GTF2H5: variants seen among roughly 807,000 people sequenced by gnomAD.
The protein encoded by GTF2H5 is general transcription factor IIH subunit 5, also known as TFB5 ortholog.
Under a neutral mutation model 7.1 loss-of-function variants are expected in GTF2H5, and 5 were observed. The observed-to-expected ratio is 0.71, with a 90% CI of 0.37 to 1.49. The LOEUF (loss-of-function observed/expected upper bound fraction) is 1.49. GTF2H5 is among the 40% of genes most tolerant of loss of function. The pLI, the probability that GTF2H5 is intolerant of heterozygous loss-of-function variation, is 0.03. For synonymous variants in GTF2H5, 30 were observed against 31.7 expected, an observed-to-expected ratio of 0.95 and a Z score of 0.18; for missense variants, 80 against 83.0, an observed-to-expected ratio of 0.96 and a Z score of 0.14.
intron 2 of GTF2H5, among the ~76,000 whole-genome samples, chr6:158,177,325 C>G (rs1044870597): frequency 6.6e-6 from 1 of 152,194 alleles, no homozygotes; most frequent in Non-Finnish European, 1.5e-5. Flanking sequence ...ATCACAGGCT[C>G]TTTGGCTCCC....
rs1481966282 is a variant in GTF2H5, at chr6:158,179,760, A to G, written c.35+9222A>G. Among the ~76,000 whole-genome samples the G allele has an allele frequency of 4.6e-5, 7 of 152,162 alleles. No individual in the cohort carries two copies. The South Asian group carries it at 8.3e-4, about 18-fold the overall frequency. ...GGGTTGAAATGGTGGGGTTTTCTAA[A>G]TATACAATCATGTCATCTGCAAACA... is the stretch of plus-strand genomic sequence containing the variant. On this transcript the variant is annotated intron_variant, in intron 2 of 2. Coordinates refer to ENST00000607778, the MANE Select transcript of GTF2H5 (RefSeq NM_207118.3).
rs1289981085 is a variant in GTF2H5 at position 158,169,415 on chromosome 6, AT to A, written c.-35+1022del. On this transcript the variant is annotated intron_variant, in intron 1 of 2. Coordinates refer to ENST00000607778, the MANE Select transcript of GTF2H5 (RefSeq NM_207118.3). ...TATAATATTATATTGTATATTATAT[AT>A]TATATATAATATATTGTATATTATA... Among the ~76,000 whole-genome samples, 163 of 92,112 alleles carry A rather than the reference AT, an allele frequency of 1.8e-3. 3 individuals are homozygous for A. Among genetic ancestry groups the A allele is most frequent in the Middle Eastern group, 4.8e-3 (1 of 208 alleles). The allele number at this position is 92,112 out of a possible 152,430, so 60.4% of individuals were successfully genotyped here. A position where few individuals can be genotyped will look rare whatever the true frequency, so the allele number is the denominator to read the frequency against.
intron 2 of GTF2H5, among the ~76,000 whole-genome samples, chr6:158,176,419 G>A (rs1443092340): frequency 6.6e-6 from 1 of 152,052 alleles, no homozygotes; most frequent in Non-Finnish European, 1.5e-5. Context: ...TAGAGATGGG[G>A]TTTCACTATC....
At chr6:158,173,967 C>G (rs1039153577) in intron 2 of GTF2H5, among the ~76,000 whole-genome samples, 1 of 152,172 alleles carries the variant, frequency 6.6e-6, no homozygotes, top group Non-Finnish European at 1.5e-5. Context: ...CTAGATATTG[C>G]CATGGCATTT....
chr6:158,169,467 T>TAGTATATTATATATAATATAC (rs1785740548), intron 1 of GTF2H5, among the ~76,000 whole-genome samples: 1 of 64,428 alleles, frequency 1.6e-5, no homozygotes. Context: ...ATATATTATA[T>TAGTATATTATATATAATATAC]TGTATATTAT....
chr6:158,187,024 C>T (rs890116676), intron 2 of GTF2H5, among the ~76,000 whole-genome samples: 1 of 151,980 alleles, frequency 6.6e-6, no homozygotes, highest in Non-Finnish European at 1.5e-5. Context: ...GACGAAGTCT[C>T]CCTCTTGTCT....
At chr6:158,181,595 T>G (rs768207378) in intron 2 of GTF2H5, among the ~76,000 whole-genome samples, 1 of 152,240 alleles carries the variant, frequency 6.6e-6, no homozygotes, top group Non-Finnish European at 1.5e-5. Flanking sequence ...TTAGCTCTTC[T>G]TGTTGAATTG....
At chr6:158,168,575 C>G (rs1056015013) in intron 1 of GTF2H5, among the ~76,000 whole-genome samples, 180 bp downstream of exon 1, 1 of 152,226 alleles carries the variant, frequency 6.6e-6, no homozygotes. Context: ...GCAGTCCCCC[C>G]CTCGTTTAAT....
At chr6:158,168,574 C>A (rs535032929) in intron 1 of GTF2H5, among the ~76,000 whole-genome samples, 179 bp downstream of exon 1, 76 of 152,346 alleles carry the variant, frequency 5.0e-4, no homozygotes, top group African/African-American at 1.2e-3. Context: ...GGCAGTCCCC[C>A]CCTCGTTTAA....
At chr6:158,176,845 A>G (rs1785941369) in intron 2 of GTF2H5, among the ~76,000 whole-genome samples, 1 of 152,254 alleles carries the variant, frequency 6.6e-6, no homozygotes, top group Non-Finnish European at 1.5e-5. Flanking sequence ...CCTTATGGGA[A>G]ACAAAGGGAT....
At chr6:158,170,407 G>A in intron 1 of GTF2H5, 63 bp from the exon 2 acceptor site, 1 of 967,500 alleles carries the variant, frequency 1.0e-6, no homozygotes, top group Non-Finnish European at 1.7e-6. Context: ...TTCAGAGGCA[G>A]ATCCCCAAAG....
intron 1 of GTF2H5, among the ~76,000 whole-genome samples, chr6:158,169,401 A>G (rs1468688724): frequency 1.4e-5 from 1 of 71,212 alleles, no homozygotes; most frequent in Non-Finnish European, 2.4e-5. Context: ...ATAATATTAT[A>G]TTGTATATTA....
intron 2 of GTF2H5, among the ~76,000 whole-genome samples, chr6:158,186,889 A>G (rs1227850773): frequency 6.6e-6 from 1 of 152,228 alleles, no homozygotes. Context: ...TGTGTGGGTT[A>G]AGGTAAAGAG....
At chr6:158,184,927 T>C (rs922847733) in intron 2 of GTF2H5, among the ~76,000 whole-genome samples, 1 of 152,132 alleles carries the variant, frequency 6.6e-6, no homozygotes, top group Non-Finnish European at 1.5e-5. Flanking sequence ...TAGGAGAAGG[T>C]TTCATGATAT....
chr6:158,182,746 C>G (rs961605946), intron 2 of GTF2H5, among the ~76,000 whole-genome samples: 11 of 152,032 alleles, frequency 7.2e-5, no homozygotes, highest in African/African-American at 2.2e-4. Flanking sequence ...AAGCTCTTCT[C>G]TACACTGGTT....
In GTF2H5 at chr6:158,192,188, T is replaced by C. The variant is rs750981928; in HGVS notation, c.*31T>C. The C allele has an allele frequency of 3.1e-5, 49 of 1,558,426 alleles. No homozygotes were observed. The highest frequency in any genetic ancestry group is 4.6e-4 in the Middle Eastern group (2 of 4,378). On this transcript the variant is annotated 3_prime_UTR_variant, in exon 3 of 3. Transcript: ENST00000607778. Reference sequence around the variant, plus strand: ...CTCAATATGGACCATTTAGGAATTATAAGCAGCAACTGTGAAAGACTTGCC... The same window carrying C: ...CTCAATATGGACCATTTAGGAATTACAAGCAGCAACTGTGAAAGACTTGCC...
rs540671649 is a variant in GTF2H5, at chr6:158,183,692, G to A, written c.36-8285G>A. 5.9e-5 allele frequency among the ~76,000 whole-genome samples: 9 copies of A among 152,332 alleles called. No individual in the cohort carries two copies. In the East Asian group the frequency reaches 1.2e-3, roughly 20 times the overall value. ...TAGCAGCAAGCAAGGCTCCGTGGGC[G>A]TGGGACCCACCGAGCCAGGCACAGG... On this transcript the variant is annotated intron_variant, in intron 2 of 2. Transcript: ENST00000607778.
At chr6:158,171,131 G>A (rs985411216) in intron 2 of GTF2H5, among the ~76,000 whole-genome samples, 8 of 152,154 alleles carry the variant, frequency 5.3e-5, no homozygotes, top group Non-Finnish European at 8.8e-5. Flanking sequence ...GGAGGAGCAA[G>A]ACCAAACCCT....
At chr6:158,190,133 C>T (rs1777002574) in intron 2 of GTF2H5, among the ~76,000 whole-genome samples, 1 of 151,944 alleles carries the variant, frequency 6.6e-6, no homozygotes, top group Non-Finnish European at 1.5e-5. Context: ...TAACTCCTGA[C>T]CTCAAGCAGT....
Sources: allele counts gnomAD v4.1 joint callset (sites outside exome capture counted in the v4.1 genomes callset), GRCh38; gene constraint gnomAD v4.1.1; transcripts MANE v1.5; gene names NCBI Gene and HGNC (gene_info 2026-07-23, HGNC 2026-07-21).